Variants in ANKRD31 observed in about 807,000 individuals in gnomAD.
The protein encoded by ANKRD31 is ankyrin repeat domain 31.
ANKRD31 carries 147 observed loss-of-function variants against 186.0 expected under a neutral mutation model. That is an observed-to-expected ratio of 0.79 (90% confidence interval 0.69 to 0.91). The LOEUF (loss-of-function observed/expected upper bound fraction) is 0.91. Ranked by LOEUF, ANKRD31 falls within the 40% of genes least tolerant of loss-of-function variation. The pLI is 0.00. For synonymous variants in ANKRD31, 673 were observed against 736.4 expected (o/e 0.91, Z 1.39); for missense variants, 1,986 against 2,148.8 (o/e 0.92, Z 1.50).
intron 12 of ANKRD31, 24 bp from the exon 13 acceptor site, chr5:75,148,652 A>G: frequency 6.6e-7 from 1 of 1,507,826 alleles, no homozygotes; most frequent in Non-Finnish European, 8.9e-7. Context: ...GAGAAAATCA[A>G]TGAAAACAGC....
chr5:75,222,435 C>T lies in ANKRD31; in HGVS notation c.179-77G>A, dbSNP rs185458412. On this transcript the variant is annotated intron_variant, in intron 2 of 25. Coordinates refer to ENST00000506364, the MANE Select transcript of ANKRD31 (RefSeq NM_001372053.1). ...TTGATAATGGCCCAATAATTTTATA[C>T]GCATGCAAAATGTTATCAAGAATCA... The T allele has an allele frequency of 3.3e-4, 328 of 983,996 alleles. 2 individuals are homozygous for T. Among genetic ancestry groups the T allele is most frequent in the Middle Eastern group, 2.3e-3 (11 of 4,718 alleles). 61.0% of individuals were successfully genotyped at this position (983,996 alleles called of 1,614,324 possible).
intron 7 of ANKRD31, among the ~76,000 whole-genome samples, chr5:75,194,577 G>T (rs1353663364): frequency 6.6e-6 from 1 of 151,864 alleles, no homozygotes; most frequent in East Asian, 1.9e-4. Context: ...GAAACATTTT[G>T]GTAATCGGAA....
intron 17 of ANKRD31, among the ~76,000 whole-genome samples, chr5:75,126,064 T>C (rs1180527539): frequency 1.3e-5 from 2 of 152,220 alleles, no homozygotes; most frequent in African/African-American, 2.4e-5. Context: ...TTTTGCTTTT[T>C]GTAGAATTTC....
intron 10 of ANKRD31, among the ~76,000 whole-genome samples, chr5:75,173,639 C>T (rs192888959): frequency 1.1e-4 from 16 of 152,206 alleles, no homozygotes; most frequent in Admixed American, 9.2e-4. Flanking sequence ...ACAATTGCTA[C>T]AAAGAGAATA....
At chr5:75,231,450 C>T (rs1288826154) in intron 1 of ANKRD31, among the ~76,000 whole-genome samples, 1 of 152,058 alleles carries the variant, frequency 6.6e-6, no homozygotes, top group Non-Finnish European at 1.5e-5. Flanking sequence ...AGAGAAGACA[C>T]ACAGTCCTTG....
chr5:75,119,393 G>C (rs1055098325), intron 17 of ANKRD31, among the ~76,000 whole-genome samples: 2 of 152,172 alleles, frequency 1.3e-5, no homozygotes, highest in African/African-American at 4.8e-5. Flanking sequence ...TCAGAATAAT[G>C]GCCTCCAGCT....
At chr5:75,194,799 T>C (rs1448411756) in intron 7 of ANKRD31, among the ~76,000 whole-genome samples, 1 of 152,038 alleles carries the variant, frequency 6.6e-6, no homozygotes, top group African/African-American at 2.4e-5. Flanking sequence ...CCCATTAGTA[T>C]AAAATGAACT....
chr5:75,089,711 A>G (rs1745785139), intron 23 of ANKRD31, among the ~76,000 whole-genome samples: 1 of 152,230 alleles, frequency 6.6e-6, no homozygotes. Flanking sequence ...TAATCTAAAG[A>G]AAATAAGCCT....
At chr5:75,185,047 C>A (rs983542201) in intron 10 of ANKRD31, among the ~76,000 whole-genome samples, 24 of 152,098 alleles carry the variant, frequency 1.6e-4, no homozygotes, top group Non-Finnish European at 3.1e-4. Context: ...GAATAAAATT[C>A]TTTCATTTGC....
intron 11 of ANKRD31, among the ~76,000 whole-genome samples, chr5:75,166,699 A>T (rs1752950743): frequency 6.6e-6 from 1 of 152,204 alleles, no homozygotes; most frequent in African/African-American, 2.4e-5. Context: ...TTACCTACTA[A>T]CAAGGTAAAC....
At chr5:75,196,232 C>G (rs1755457929) in intron 6 of ANKRD31, 32 bp from the exon 7 acceptor site, 2 of 1,371,682 alleles carry the variant, frequency 1.5e-6, no homozygotes, top group Admixed American at 3.3e-5. Context: ...TACATCATTA[C>G]AGCATATACA....
At chr5:75,097,118 A>G (rs1561415143) in intron 22 of ANKRD31, among the ~76,000 whole-genome samples, 1 of 152,216 alleles carries the variant, frequency 6.6e-6, no homozygotes, top group Non-Finnish European at 1.5e-5. Flanking sequence ...CACAATAAAC[A>G]TACATATGCA....
chr5:75,079,413 A>G (rs1442232267), intron 25 of ANKRD31, among the ~76,000 whole-genome samples: 1 of 152,066 alleles, frequency 6.6e-6, no homozygotes, highest in Non-Finnish European at 1.5e-5. Flanking sequence ...AAAGAGGGAG[A>G]GGGAGAATTC....
intron 25 of ANKRD31, among the ~76,000 whole-genome samples, chr5:75,073,147 C>T (rs1744375674): frequency 6.6e-6 from 1 of 152,104 alleles, no homozygotes; most frequent in African/African-American, 2.4e-5. Flanking sequence ...AAGTTACAGG[C>T]CTAGCCAAGT....
At chr5:75,132,871 T>TA (rs1303309113) in intron 17 of ANKRD31, among the ~76,000 whole-genome samples, 1 of 151,514 alleles carries the variant, frequency 6.6e-6, no homozygotes, top group African/African-American at 2.4e-5. Flanking sequence ...TCAACATTCT[T>TA]AAAAAAATAT....
At chr5:75,089,194 A>T (rs1745741049) in intron 23 of ANKRD31, among the ~76,000 whole-genome samples, 1 of 152,184 alleles carries the variant, frequency 6.6e-6, no homozygotes, top group Non-Finnish European at 1.5e-5. Flanking sequence ...TCCCACCCAC[A>T]AATCACTCGG....
chr5:75,186,799 G>A (rs1488963378), intron 10 of ANKRD31, among the ~76,000 whole-genome samples: 2 of 152,030 alleles, frequency 1.3e-5, no homozygotes, highest in African/African-American at 4.8e-5. Flanking sequence ...AAAGACCATT[G>A]GTCCACTATT....
Position 75,140,263 on chromosome 5 carries a change from G to A in ANKRD31, c.3596-1280C>T, listed in dbSNP as rs1368162707. On this transcript the variant is annotated intron_variant, in intron 15 of 25. Coordinates refer to ENST00000506364, the MANE Select transcript of ANKRD31 (RefSeq NM_001372053.1). Reference sequence around the variant, plus strand: ...GGAAGGAAGGAAGGAAGGAAGGAAGGAAGGAAAGAGAGAGAGAGAAAGAAA... The same window carrying A: ...GGAAGGAAGGAAGGAAGGAAGGAAGAAAGGAAAGAGAGAGAGAGAAAGAAA... Among the ~76,000 whole-genome samples, 46 of 41,662 alleles carry A rather than the reference G, an allele frequency of 1.1e-3. 1 individual carries two copies. The African/African-American group carries it at 0.026, about 24-fold the overall frequency. The allele number at this position is 41,662 out of a possible 152,430, so 27.3% of individuals were successfully genotyped here.
intron 7 of ANKRD31, 45 bp from the exon 8 acceptor site, chr5:75,193,636 A>C (rs1755270745): frequency 6.8e-7 from 1 of 1,479,122 alleles, no homozygotes; most frequent in Non-Finnish European, 8.9e-7. Context: ...AACACTGCAA[A>C]AAAATTAAAA....
Sources: gnomAD v4.1 joint callset for allele counts (sites outside exome capture counted in the v4.1 genomes callset) on GRCh38, gnomAD v4.1.1 for gene constraint, MANE v1.5 for transcripts, NCBI Gene and HGNC (gene_info 2026-07-23, HGNC 2026-07-21) for gene names.